CMSS1: variants seen among roughly 807,000 people sequenced by gnomAD.
CMSS1 encodes protein CMSS1.
In CMSS1, 33 loss-of-function variants were observed where a neutral mutation model predicts 43.5. That is an observed-to-expected ratio of 0.76 (90% CI 0.57 to 1.01). The LOEUF (loss-of-function observed/expected upper bound fraction) is 1.01. CMSS1 is among the 50% of genes least tolerant of loss of function. The pLI is 0.00. For missense variants in CMSS1, 313 were observed against 326.4 expected (o/e 0.96, Z 0.32); for synonymous variants, 115 against 117.2 (o/e 0.98, Z 0.12).
intron 1 of CMSS1, among the ~76,000 whole-genome samples, chr3:100,034,423 A>G (rs1449157333): frequency 6.6e-6 from 1 of 152,226 alleles, no homozygotes; most frequent in Non-Finnish European, 1.5e-5. Flanking sequence ...AGAATTCACT[A>G]GCATTTTCAC....
intron 1 of CMSS1, chr3:100,051,288 CCAGAAGACTG>C (rs2065367349): frequency 6.6e-6 from 1 of 151,612 alleles, no homozygotes; most frequent in South Asian, 2.1e-4. Flanking sequence ...TTAGAATAAT[CCAGAAGACTG>C]AAAGAGTAGT....
intron 4 of CMSS1, among the ~76,000 whole-genome samples, chr3:100,164,978 T>C (rs1269256329): frequency 4.6e-5 from 7 of 152,202 alleles, no homozygotes; most frequent in African/African-American, 1.7e-4. Flanking sequence ...AATTAACTTC[T>C]CTGCTGTCTC....
At chr3:99,920,624 C>G (rs781405987) in intron 1 of CMSS1, among the ~76,000 whole-genome samples, 9 of 152,208 alleles carry the variant, frequency 5.9e-5, no homozygotes, top group Non-Finnish European at 1.0e-4. Context: ...TTTGCATTAA[C>G]ATGCCTGGGA....
intron 1 of CMSS1, among the ~76,000 whole-genome samples, chr3:100,084,125 C>G (rs2065971184): frequency 6.6e-6 from 1 of 152,170 alleles, no homozygotes; most frequent in Non-Finnish European, 1.5e-5. Context: ...GGCCATGAGA[C>G]CCATGTCATT....
chr3:99,895,974 A>G (rs1364045166), intron 1 of CMSS1, among the ~76,000 whole-genome samples: 1 of 152,210 alleles, frequency 6.6e-6, no homozygotes, highest in South Asian at 2.1e-4. Context: ...TAGAGGAGAC[A>G]TGTGGCTCAC....
chr3:99,864,877 G>A (rs1446973729), intron 1 of CMSS1, among the ~76,000 whole-genome samples: 2 of 152,100 alleles, frequency 1.3e-5, no homozygotes, highest in African/African-American at 4.8e-5. Flanking sequence ...CTACTAGAAT[G>A]TAAACTACAT....
intron 1 of CMSS1, among the ~76,000 whole-genome samples, chr3:99,821,076 G>A (rs1473339345): frequency 5.3e-5 from 8 of 152,114 alleles, no homozygotes; most frequent in African/African-American, 1.9e-4. Context: ...TCTGTTTGTT[G>A]TCTGTCTAAG....
intron 1 of CMSS1, among the ~76,000 whole-genome samples, chr3:100,008,394 A>T (rs976504188): frequency 2.0e-5 from 3 of 152,138 alleles, no homozygotes; most frequent in Admixed American, 1.3e-4. Flanking sequence ...ATTTTCCAAG[A>T]TTTTCATATG....
intron 1 of CMSS1, among the ~76,000 whole-genome samples, chr3:100,074,230 G>A (rs2065810548): frequency 1.3e-5 from 2 of 152,190 alleles, no homozygotes; most frequent in South Asian, 4.1e-4. Flanking sequence ...GCCCCCCTGG[G>A]CCTCCAGGCA....
intron 1 of CMSS1, among the ~76,000 whole-genome samples, chr3:100,001,388 T>C (rs924916157): frequency 6.6e-6 from 1 of 152,192 alleles, no homozygotes; most frequent in African/African-American, 2.4e-5. Context: ...ATCTGAAATA[T>C]TACTATCTGG....
intron 2 of CMSS1, among the ~76,000 whole-genome samples, chr3:100,154,974 T>C (rs1230589700): frequency 2.6e-5 from 4 of 152,194 alleles, no homozygotes; most frequent in African/African-American, 9.6e-5. Flanking sequence ...AGACTCTGTC[T>C]CAAAAAATAA....
intron 1 of CMSS1, among the ~76,000 whole-genome samples, chr3:100,064,211 G>T (rs941711726): frequency 6.6e-6 from 1 of 152,168 alleles, no homozygotes; most frequent in Admixed American, 6.5e-5. Flanking sequence ...TATTTAGGAC[G>T]TGTGGTGGAT....
chr3:100,160,280 G>T, intron 2 of CMSS1, 150 bp from the exon 3 acceptor site: 1 of 599,452 alleles, frequency 1.7e-6, no homozygotes, highest in Non-Finnish European at 3.1e-6. Context: ...AGTAACCTAC[G>T]GTAGATCTTC....
chr3:100,081,169 A>G (rs1301373096), intron 1 of CMSS1, among the ~76,000 whole-genome samples: 3 of 152,178 alleles, frequency 2.0e-5, no homozygotes, highest in African/African-American at 2.4e-5. Context: ...TCCATGGTTC[A>G]TAATCCTCTC....
intron 1 of CMSS1, chr3:100,040,387 A>G (rs1575976805): frequency 6.6e-6 from 1 of 152,216 alleles, no homozygotes; most frequent in African/African-American, 2.4e-5. Context: ...AATCATTTGT[A>G]TAGTTCCAGA....
chr3:100,132,111 A>G (rs2066713722), intron 1 of CMSS1, among the ~76,000 whole-genome samples: 3 of 152,254 alleles, frequency 2.0e-5, no homozygotes, highest in Non-Finnish European at 4.4e-5. Context: ...AGGCAGCATT[A>G]AAAATTAATC....
chr3:99,932,719 A>G (rs1464116638), intron 1 of CMSS1, among the ~76,000 whole-genome samples: 1 of 152,020 alleles, frequency 6.6e-6, no homozygotes, highest in Non-Finnish European at 1.5e-5. Context: ...GCGAAACCCC[A>G]TCTCTGCTAA....
intron 1 of CMSS1, among the ~76,000 whole-genome samples, chr3:99,825,268 G>A (rs1559646425): frequency 6.6e-6 from 1 of 152,078 alleles, no homozygotes; most frequent in Non-Finnish European, 1.5e-5. Context: ...CAGAATTAGA[G>A]GGAAAAAACA....
chr3:99,866,092 ATTCTCTCCTTTG>A (rs1282114579), intron 1 of CMSS1, among the ~76,000 whole-genome samples: 1 of 149,208 alleles, frequency 6.7e-6, no homozygotes, highest in Admixed American at 6.7e-5. Flanking sequence ...TCTCTCCTTT[ATTCTCTCCTTTG>A]TAGAAAGCAT....
Sources: allele counts gnomAD v4.1 joint callset (sites outside exome capture counted in the v4.1 genomes callset), GRCh38; gene constraint gnomAD v4.1.1; transcripts MANE v1.5; gene names NCBI Gene and HGNC (gene_info 2026-07-23, HGNC 2026-07-21).